The following TTPA variants were observed in gnomAD, a reference collection of about 807,000 sequenced individuals.
TTPA encodes alpha tocopherol transfer protein.
In TTPA, 23 loss-of-function variants were observed where a neutral mutation model predicts 25.9. The observed-to-expected ratio is 0.89, with a 90% CI of 0.64 to 1.26. TTPA has a LOEUF of 1.26. Ranked by LOEUF, TTPA falls within the 50% of genes most tolerant of loss-of-function variation. The probability of loss-of-function intolerance (pLI) is 0.00; values close to 1 mark genes in which losing one functional copy is unlikely to be tolerated. For missense variants in TTPA, 337 were observed against 353.1 expected (o/e 0.95, Z 0.37); for synonymous variants, 148 against 137.3 (o/e 1.08, Z -0.54).
At chr8:63,084,436 A>C (rs1020015332) in intron 1 of TTPA, among the ~76,000 whole-genome samples, 1 of 152,214 alleles carries the variant, frequency 6.6e-6, no homozygotes, top group African/African-American at 2.4e-5. Context: ...TGAATGAAGG[A>C]ATGAACAGCA....
chr8:63,069,101 G>C (rs930503234), intron 2 of TTPA, among the ~76,000 whole-genome samples: 1 of 152,022 alleles, frequency 6.6e-6, no homozygotes, highest in African/African-American at 2.4e-5. Flanking sequence ...GTTGTAGTGA[G>C]TCGAGATGGC....
intron 1 of TTPA, among the ~76,000 whole-genome samples, chr8:63,077,450 C>G (rs887621616): frequency 6.6e-6 from 1 of 152,252 alleles, no homozygotes; most frequent in African/African-American, 2.4e-5. Flanking sequence ...CAGGACACTT[C>G]CACCCAAATA....
At position 63,066,068 on chromosome 8, in the gene TTPA, A is replaced by C; in HGVS notation, c.388T>G (p.Tyr130Asp). ...ATTAGACTTACTCGAAATACGTCAT[A>C]AGCTGTAAAAACTTTGGGGTCCCAG... ...AHWDPKVFTA[Y>D]DVFRVSLITS... Residue 130 changes from tyrosine (Y) to aspartate (D), a missense_variant, in exon 3 of 5, where the codon TAT (tyrosine) becomes GAT (aspartate). Coordinates refer to ENST00000260116, the MANE Select transcript of TTPA (RefSeq NM_000370.3). 1 of 1,597,502 alleles carries C rather than the reference A, an allele frequency of 6.3e-7. No individual in the cohort carries two copies. The highest frequency in any genetic ancestry group is 8.5e-7 in the Non-Finnish European group (1 of 1,176,286).
chr8:63,061,110 C>T lies in TTPA; in HGVS notation c.*142G>A. 1.2e-6 allele frequency: 1 copy of T among 866,102 alleles called. No individual in the cohort carries two copies. Among genetic ancestry groups the T allele is most frequent in the Non-Finnish European group, 1.8e-6 (1 of 548,192 alleles). 53.7% of individuals were successfully genotyped at this position (866,102 alleles called of 1,614,324 possible). A position where few individuals can be genotyped will look rare whatever the true frequency, so the allele number is the denominator to read the frequency against. Reference sequence around the variant, plus strand: ...AAAATCTTTCCAAACACCTGTGTTGCTCATGTCAGAAGATTTCTACATTTT... The same window carrying T: ...AAAATCTTTCCAAACACCTGTGTTGTTCATGTCAGAAGATTTCTACATTTT... On this transcript the variant is annotated 3_prime_UTR_variant, in exon 5 of 5. Transcript: ENST00000260116.
chr8:63,073,196 CAA>C, intron 1 of TTPA, 108 bp from the exon 2 acceptor site: 4 of 907,270 alleles, frequency 4.4e-6, no homozygotes, highest in Non-Finnish European at 1.7e-6. Context: ...TCCATTATGT[CAA>C]GAGTTTAATC....
chr8:63,065,569 C>T (rs1219908234), intron 3 of TTPA, among the ~76,000 whole-genome samples: 1 of 152,022 alleles, frequency 6.6e-6, no homozygotes, highest in African/African-American at 2.4e-5. Context: ...ACTTATGTGA[C>T]ATTTTATTGT....
chr8:63,059,362 T>C (rs1805263517), downstream of TTPA, among the ~76,000 whole-genome samples: 1 of 152,136 alleles, frequency 6.6e-6, no homozygotes, highest in South Asian at 2.1e-4. Context: ...AAAATTATAA[T>C]GTTGTTAGCT....
At chr8:63,059,100 C>T (rs1157994689), downstream of TTPA, among the ~76,000 whole-genome samples, 2 of 119,612 alleles carry the variant, frequency 1.7e-5, no homozygotes, top group African/African-American at 3.2e-5. Context: ...GGCGGGATCT[C>T]GGCTCACTGC....
chr8:63,066,015 T>G lies in TTPA; in HGVS notation c.441A>C (p.Val147=). 1 of 1,614,142 alleles carries G rather than the reference T, an allele frequency of 6.2e-7. No homozygotes were observed. The highest frequency in any genetic ancestry group is 8.5e-7 in the Non-Finnish European group (1 of 1,180,010). The part of the protein sequence containing the change: ...LITSELIVQE[V]ETQRNGIKAI... ...CCTTGATTCCATTCCGCTGAGTTTC[T>G]ACCTCCTGTACAATAAGCTCGGATG... Residue 147 remains valine (V), a synonymous_variant, in exon 3 of 5, where the codon GTA becomes GTC. Coordinates refer to ENST00000260116, the MANE Select transcript of TTPA (RefSeq NM_000370.3).
chr8:63,074,700 T>C (rs1296656634), intron 1 of TTPA, among the ~76,000 whole-genome samples: 1 of 152,238 alleles, frequency 6.6e-6, no homozygotes, highest in African/African-American at 2.4e-5. Context: ...TTTCTGATAG[T>C]TTCCTCAGAC....
chr8:63,080,880 A>G (rs1235931057), intron 1 of TTPA, among the ~76,000 whole-genome samples: 2 of 152,136 alleles, frequency 1.3e-5, no homozygotes, highest in East Asian at 3.9e-4. Context: ...TATGCAAATA[A>G]ACTGGAAAAT....
chr8:63,085,794 A>G (rs1370083622), intron 1 of TTPA, 24 bp downstream of exon 1: 7 of 1,531,772 alleles, frequency 4.6e-6, no homozygotes. Flanking sequence ...CGCACTGCCG[A>G]GCGCCCTGGG....
At chr8:63,059,132 C>T (rs1563677293), downstream of TTPA, among the ~76,000 whole-genome samples, 1 of 140,634 alleles carries the variant, frequency 7.1e-6, no homozygotes, top group African/African-American at 2.6e-5. Flanking sequence ...CCCGGGTTCA[C>T]GCCATTCTCC....
chr8:63,085,751 G>T, intron 1 of TTPA, 67 bp downstream of exon 1: 1 of 1,509,600 alleles, frequency 6.6e-7, no homozygotes, highest in Non-Finnish European at 8.8e-7. Flanking sequence ...AGATATCCGG[G>T]GTCGTGGGGC....
intron 1 of TTPA, among the ~76,000 whole-genome samples, chr8:63,079,143 G>C (rs1234038990): frequency 6.6e-6 from 1 of 152,126 alleles, no homozygotes; most frequent in East Asian, 1.9e-4. Context: ...GAGAGATTTT[G>C]TCACCACCAG....
chr8:63,066,080 C>T lies in TTPA; in HGVS notation c.376G>A (p.Val126Ile), dbSNP rs138483857. 39 of 1,543,506 alleles carry T rather than the reference C, an allele frequency of 2.5e-5. No homozygotes were observed. The African/African-American group carries it at 6.1e-4, about 24-fold the overall frequency. ...CGAAATACGTCATAAGCTGTAAAAA[C>T]TTTGGGGTCCCAGTGTGCTAAAAAA... ...IYRIAHWDPK[V>I]FTAYDVFRVS... is the part of the protein sequence containing the mutation. Residue 126 changes from valine to isoleucine, a missense_variant, in exon 3 of 5, where the codon GTT becomes ATT. Physicochemically the swap from Val to Ile is conservative, Grantham distance 29. Transcript: ENST00000260116.
At chr8:63,065,160 T>C (rs978173728) in intron 3 of TTPA, among the ~76,000 whole-genome samples, 16 of 152,216 alleles carry the variant, frequency 1.1e-4, no homozygotes, top group African/African-American at 2.9e-4. Flanking sequence ...TTTACTGAAA[T>C]TGATGCTGCA....
chr8:63,069,781 T>C (rs952439008), intron 2 of TTPA, among the ~76,000 whole-genome samples: 2 of 152,078 alleles, frequency 1.3e-5, no homozygotes, highest in Non-Finnish European at 2.9e-5. Context: ...TAGTCACATT[T>C]CAAGTGCTCA....
chr8:63,079,043 T>A (rs1287473256), intron 1 of TTPA, among the ~76,000 whole-genome samples: 6 of 152,150 alleles, frequency 3.9e-5, no homozygotes, highest in Non-Finnish European at 8.8e-5. Context: ...TCAACATTCT[T>A]AAAGAAAAGA....
Sources: allele counts gnomAD v4.1 joint callset (sites outside exome capture counted in the v4.1 genomes callset), GRCh38; gene constraint gnomAD v4.1.1; transcripts MANE v1.5; gene names NCBI Gene and HGNC (gene_info 2026-07-23, HGNC 2026-07-21).